The following METAP1D variants were observed in gnomAD, a reference collection of about 807,000 sequenced individuals.
The protein encoded by METAP1D is methionyl aminopeptidase type 1D, mitochondrial.
A neutral mutation model predicts 40.5 loss-of-function variants in METAP1D; 31 were observed. That is an observed-to-expected ratio of 0.77 (90% CI 0.58 to 1.03). The LOEUF (loss-of-function observed/expected upper bound fraction) is 1.03, where lower values mean the gene tolerates loss of function less well. METAP1D is among the 50% of genes least tolerant of loss of function. The pLI is 0.00. For missense variants in METAP1D, 411 were observed against 420.7 expected (o/e 0.98, Z 0.20); for synonymous variants, 151 against 146.4 (o/e 1.03, Z -0.22).
At chr2:172,049,231 GGCCTTAGTCTCCCAAAGT>G (rs1689830992) in intron 1 of METAP1D, among the ~76,000 whole-genome samples, 1 of 151,994 alleles carries the variant, frequency 6.6e-6, no homozygotes, top group Non-Finnish European at 1.5e-5. Context: ...GCGATTCACA[GGCCTTAGTCTCCCAAAGT>G]GCTGGGTTTA....
In METAP1D at chr2:172,007,210, C is replaced by T. The variant is rs1446093168; in HGVS notation, c.40+7201C>T. On this transcript the variant is annotated intron_variant, in intron 1 of 9. Transcript: ENST00000315796. Reference sequence around the variant, plus strand: ...TTAAGAGAAGGGCCTTGTTCTGTCACCCAGGCTGGAGTGCAGTGGTACAAT... The same window carrying T: ...TTAAGAGAAGGGCCTTGTTCTGTCATCCAGGCTGGAGTGCAGTGGTACAAT... Among the ~76,000 whole-genome samples the T allele has an allele frequency of 2.7e-5, 4 of 149,920 alleles. No individual in the cohort carries two copies. The East Asian group carries it at 5.8e-4, about 22-fold the overall frequency.
chr2:172,064,681 C>T (rs894792461), intron 3 of METAP1D, among the ~76,000 whole-genome samples: 2 of 151,796 alleles, frequency 1.3e-5, no homozygotes, highest in Non-Finnish European at 2.9e-5. Context: ...TCTGAAGCAC[C>T]CTTCTGTATA....
chr2:172,040,460 T>C (rs998161209), intron 1 of METAP1D, among the ~76,000 whole-genome samples: 3 of 152,166 alleles, frequency 2.0e-5, no homozygotes, highest in Non-Finnish European at 4.4e-5. Context: ...TTCTGAAACA[T>C]GTGGAGGAAA....
chr2:172,040,741 G>A (rs1689499622), intron 1 of METAP1D, among the ~76,000 whole-genome samples: 1 of 130,254 alleles, frequency 7.7e-6, no homozygotes, highest in Non-Finnish European at 1.6e-5. Context: ...ATACATTCAG[G>A]CCCTCTTTTT....
chr2:172,039,254 A>G (rs970607004), intron 1 of METAP1D, among the ~76,000 whole-genome samples: 2 of 152,180 alleles, frequency 1.3e-5, no homozygotes, highest in African/African-American at 4.8e-5. Context: ...CCAAGTCTCA[A>G]AAACTTTTAG....
intron 1 of METAP1D, among the ~76,000 whole-genome samples, chr2:172,011,215 T>A (rs1688713128): frequency 6.6e-6 from 1 of 152,052 alleles, no homozygotes; most frequent in Admixed American, 6.5e-5. Flanking sequence ...GAGAAACCTC[T>A]TACCCATTAG....
intron 1 of METAP1D, among the ~76,000 whole-genome samples, chr2:172,040,993 C>G (rs1689508285): frequency 6.6e-6 from 1 of 151,770 alleles, no homozygotes; most frequent in Non-Finnish European, 1.5e-5. Context: ...GTCTCAATCT[C>G]TTGACCTTGT....
chr2:172,076,516 T>C lies in METAP1D; in HGVS notation c.705-1281T>C, dbSNP rs114362287. On this transcript the variant is annotated intron_variant, in intron 6 of 9. Transcript: ENST00000315796. ...AGTACAACGTAAGAGATAAAAACCT[T>C]GACTTACCGTTCCTGTCCTCAACAT... is the stretch of plus-strand genomic sequence containing the variant. 1.8e-3 allele frequency among the ~76,000 whole-genome samples: 268 copies of C among 152,336 alleles called. 1 individual carries two copies. Among genetic ancestry groups the C allele is most frequent in the African/African-American group, 6.3e-3 (261 of 41,574 alleles).
intron 1 of METAP1D, among the ~76,000 whole-genome samples, chr2:172,000,235 G>C (rs556772138): frequency 1.3e-5 from 2 of 152,338 alleles, no homozygotes; most frequent in African/African-American, 4.8e-5. Flanking sequence ...TCACCACGTG[G>C]CATCTTTTCG....
chr2:172,074,345 T>C (rs1318780371), intron 6 of METAP1D, among the ~76,000 whole-genome samples: 2 of 151,966 alleles, frequency 1.3e-5, no homozygotes, highest in African/African-American at 4.8e-5. Context: ...TAAAAAATAA[T>C]CTCTTTCTAT....
chr2:172,037,539 T>C (rs1346109355), intron 1 of METAP1D, among the ~76,000 whole-genome samples: 1 of 152,240 alleles, frequency 6.6e-6, no homozygotes, highest in African/African-American at 2.4e-5. Flanking sequence ...TAATGAACTC[T>C]TAAGACATGT....
chr2:172,049,264 C>T (rs929480088), intron 1 of METAP1D, among the ~76,000 whole-genome samples: 3 of 151,902 alleles, frequency 2.0e-5, no homozygotes, highest in Non-Finnish European at 2.9e-5. Context: ...GGTTTATAGG[C>T]GTCAGCCTGG....
chr2:172,005,546 C>CTCT (rs1553489220), intron 1 of METAP1D, among the ~76,000 whole-genome samples: 2 of 74,920 alleles, frequency 2.7e-5, no homozygotes, highest in Non-Finnish European at 5.3e-5. Context: ...ATATATATAT[C>CTCT]TTTTTTTTTT....
At chr2:172,034,405 T>TTGTG (rs377629727) in intron 1 of METAP1D, among the ~76,000 whole-genome samples, 39 of 142,240 alleles carry the variant, frequency 2.7e-4, no homozygotes, top group East Asian at 7.0e-4. Flanking sequence ...GTCTCAGTTT[T>TTGTG]TGTGTGTGTG....
chr2:172,031,537 C>A (rs544579881), intron 1 of METAP1D, among the ~76,000 whole-genome samples: 1 of 152,206 alleles, frequency 6.6e-6, no homozygotes, highest in Non-Finnish European at 1.5e-5. Flanking sequence ...TGGAGGAAGT[C>A]ATTCACATAT....
chr2:172,026,177 C>T (rs1185099292), intron 1 of METAP1D, among the ~76,000 whole-genome samples: 1 of 151,882 alleles, frequency 6.6e-6, no homozygotes, highest in Non-Finnish European at 1.5e-5. Context: ...TCTGTTTTTC[C>T]CCTTGTGGTT....
At chr2:172,072,178 T>G (rs1371118541) in intron 6 of METAP1D, among the ~76,000 whole-genome samples, 3 of 152,170 alleles carry the variant, frequency 2.0e-5, no homozygotes, top group Non-Finnish European at 2.9e-5. Context: ...AAAAGAAATT[T>G]AATGCATATC....
intron 5 of METAP1D, among the ~76,000 whole-genome samples, chr2:172,069,733 T>G (rs2105489237): frequency 6.6e-6 from 1 of 152,300 alleles, no homozygotes; most frequent in Admixed American, 6.5e-5. Context: ...AAACACTCGA[T>G]TAGAAGCCAA....
chr2:172,033,224 A>G (rs2105416620), intron 1 of METAP1D, among the ~76,000 whole-genome samples: 1 of 152,254 alleles, frequency 6.6e-6, no homozygotes, highest in Middle Eastern at 3.4e-3. Context: ...AGTGCTAGGG[A>G]CAAATTCATT....
Sources: allele counts gnomAD v4.1 joint callset (sites outside exome capture counted in the v4.1 genomes callset), GRCh38; gene constraint gnomAD v4.1.1; transcripts MANE v1.5; gene names NCBI Gene and HGNC (gene_info 2026-07-23, HGNC 2026-07-21).